DDX60L: variants seen among roughly 807,000 people sequenced by gnomAD.
DDX60L encodes probable ATP-dependent RNA helicase DDX60-like.
Under a neutral mutation model 211.6 loss-of-function variants are expected in DDX60L, and 191 were observed. The ratio of observed to expected loss-of-function variants is 0.90; its 90% CI spans 0.80 to 1.02. DDX60L has a LOEUF of 1.02. Among genes scored for constraint, DDX60L ranks in the 50% least tolerant of loss-of-function variants. DDX60L has a pLI of 0.00. For missense variants in DDX60L, 2,007 were observed against 1,984.1 expected, an observed-to-expected ratio of 1.01 and a Z score of -0.22; for synonymous variants, 706 against 694.1, an observed-to-expected ratio of 1.02 and a Z score of -0.27.
rs964053425 is a variant in DDX60L, at chr4:168,358,254, C to T, written c.5014G>A (p.Glu1672Lys). Reference sequence around the variant, plus strand: ...AGGACTACATTGTCACGCTTATTTTCACATAGTTCACTCAAGGAGTCACTG... The same window carrying T: ...AGGACTACATTGTCACGCTTATTTTTACATAGTTCACTCAAGGAGTCACTG... ...AISDSLSELC[E>K]NKRDNVVLAF... The change falls in exon 38 of 38, where the codon GAA becomes AAA. Residue 1672 changes from glutamate (E) to lysine (K), a missense_variant. Coordinates refer to ENST00000682922, the MANE Select transcript of DDX60L (RefSeq NM_001012967.3). The T allele has an allele frequency of 2.5e-6, 4 of 1,591,982 alleles. No homozygotes were observed. The highest frequency in any genetic ancestry group is 3.4e-6 in the Non-Finnish European group (4 of 1,169,566).
At chr4:168,461,591 G>T (rs1052913188) in intron 5 of DDX60L, 108 bp downstream of exon 5, 20 of 742,668 alleles carry the variant, frequency 2.7e-5, no homozygotes, top group Non-Finnish European at 4.3e-5. Flanking sequence ...CCTCTTTGGA[G>T]ACTGCCTATA....
At chr4:168,420,500 ACACACT>A in intron 17 of DDX60L, 120 bp from the exon 18 acceptor site, 5 of 697,568 alleles carry the variant, frequency 7.2e-6, no homozygotes, top group Non-Finnish European at 1.1e-5. Context: ...ACACACACAC[ACACACT>A]TCAATGAAAA....
intron 4 of DDX60L, among the ~76,000 whole-genome samples, chr4:168,463,237 C>A (rs190437192): frequency 6.6e-6 from 1 of 152,312 alleles, no homozygotes; most frequent in African/African-American, 2.4e-5. Flanking sequence ...CAAACTAAGT[C>A]ATTGATGATA....
intron 22 of DDX60L, among the ~76,000 whole-genome samples, chr4:168,408,863 G>C (rs1014115847): frequency 1.3e-5 from 2 of 152,136 alleles, no homozygotes; most frequent in African/African-American, 4.8e-5. Flanking sequence ...ATTAAAGCCA[G>C]CTCACTCATC....
intron 26 of DDX60L, 25 bp downstream of exon 26, chr4:168,400,801 T>C: frequency 6.3e-7 from 1 of 1,577,652 alleles, no homozygotes; most frequent in South Asian, 1.2e-5. Flanking sequence ...GGGGCCAATT[T>C]GTTTAAGTAA....
chr4:168,419,466 G>T, intron 18 of DDX60L, 69 bp from the exon 19 acceptor site: 1 of 1,141,042 alleles, frequency 8.8e-7, no homozygotes, highest in South Asian at 1.7e-5. Flanking sequence ...ATAGTAATAG[G>T]AACCTAGAAA....
intron 4 of DDX60L, among the ~76,000 whole-genome samples, chr4:168,464,700 T>C (rs1283481345): frequency 6.6e-6 from 1 of 152,112 alleles, no homozygotes; most frequent in East Asian, 1.9e-4. Context: ...TGTGTGTGCG[T>C]GTGTTGGAAA....
intron 27 of DDX60L, among the ~76,000 whole-genome samples, chr4:168,395,343 G>A (rs1826027): frequency 0.24 from 36,833 of 152,092 alleles, 4,674 homozygotes; most frequent in Middle Eastern, 0.39. Flanking sequence ...TATATAATAT[G>A]GCCTTATTTT....
At position 168,379,381 on chromosome 4, in the gene DDX60L, A is replaced by G. The variant is rs1232822267; in HGVS notation, c.4345T>C (p.Cys1449Arg). The change falls in exon 32 of 38, where the codon TGT becomes CGT. Residue 1449 changes from cysteine (C) to arginine (R), a missense_variant. Physicochemically the swap from Cys to Arg is radical, Grantham distance 180 (BLOSUM62 -3). Transcript: ENST00000682922. ...FLKRGLFHNL[C>R]KPAWKGSQQF... ...AGCTTACCTTTCCAGGCTGGCTTACAGAGATTATGGAAAAGGCCTCTCTTG... is the reference window on the plus strand; with the variant it reads ...AGCTTACCTTTCCAGGCTGGCTTACGGAGATTATGGAAAAGGCCTCTCTTG... 3.8e-6 allele frequency: 6 copies of G among 1,588,924 alleles called. No homozygotes were observed. Among genetic ancestry groups the G allele is most frequent in the South Asian group, 2.4e-5 (2 of 84,960 alleles).
Position 168,384,633 on chromosome 4 carries a change from G to A in DDX60L, c.4095C>T (p.Asp1365=). The change falls in exon 30 of 38, where the codon GAC becomes GAT. Residue 1365 remains aspartate, a synonymous_variant. Coordinates refer to ENST00000682922, the MANE Select transcript of DDX60L (RefSeq NM_001012967.3). ...GTACCTTTGCCTTGGCATCCTCTGG[G>A]TCATCTCCCTTGGAAGCCAGCAGCA... ...RLMLLASKGD[D]PEDAKAKVLS... is the part of the protein sequence containing the mutation. 1 of 1,613,976 alleles carries A rather than the reference G, an allele frequency of 6.2e-7. No homozygotes were observed. The highest frequency in any genetic ancestry group is 1.1e-5 in the South Asian group (1 of 91,084).
At chr4:168,442,020 C>T (rs1373861399) in intron 9 of DDX60L, among the ~76,000 whole-genome samples, 1 of 152,106 alleles carries the variant, frequency 6.6e-6, no homozygotes, top group Non-Finnish European at 1.5e-5. Flanking sequence ...CGAATAGGAA[C>T]AGCTCTGGTC....
intron 25 of DDX60L, among the ~76,000 whole-genome samples, chr4:168,403,657 A>G (rs530905430): frequency 6.8e-4 from 103 of 152,346 alleles, no homozygotes; most frequent in African/African-American, 2.5e-3. Context: ...CTGTACATGA[A>G]AAATGCAATT....
intron 34 of DDX60L, among the ~76,000 whole-genome samples, chr4:168,374,967 G>T (rs1039331812): frequency 6.6e-6 from 1 of 152,204 alleles, no homozygotes; most frequent in Non-Finnish European, 1.5e-5. Context: ...TTGGCATTCT[G>T]CTGCCAGTGT....
chr4:168,389,165 T>C (rs1015593156), intron 29 of DDX60L, among the ~76,000 whole-genome samples: 8 of 152,274 alleles, frequency 5.3e-5, no homozygotes, highest in African/African-American at 1.9e-4. Flanking sequence ...AAGGTGAAGC[T>C]AACAAGTATT....
chr4:168,371,709 A>G lies in DDX60L; in HGVS notation c.4831T>C (p.Trp1611Arg). ...CTCCTTCCTCGGTTATCTAATTTCC[A>G]TGGCCACAGCAGAGGAGCCTGAGTG... ...SGTQAPLLWPWKLDNRGRRMP... is the reference protein window; with the variant it reads ...SGTQAPLLWPRKLDNRGRRMP... Residue 1611 changes from tryptophan (W) to arginine (R), a missense_variant, in exon 36 of 38, where the codon TGG (tryptophan) becomes CGG (arginine). By Grantham distance (101) the Trp-to-Arg change is moderately radical (BLOSUM62 -3). Transcript: ENST00000682922. 2 of 1,612,602 alleles carry G rather than the reference A, an allele frequency of 1.2e-6. No homozygotes were observed. Among genetic ancestry groups the G allele is most frequent in the East Asian group, 2.2e-5 (1 of 44,856 alleles).
At chr4:168,390,970 TA>T (rs149353588) in intron 29 of DDX60L, among the ~76,000 whole-genome samples, 2 of 150,842 alleles carry the variant, frequency 1.3e-5, no homozygotes, top group Non-Finnish European at 1.5e-5. Context: ...AAAACCTTTT[TA>T]AAAAAAAAGC....
chr4:168,362,972 A>G (rs1451730322), intron 36 of DDX60L, among the ~76,000 whole-genome samples: 2 of 152,158 alleles, frequency 1.3e-5, no homozygotes, highest in East Asian at 1.9e-4. Flanking sequence ...AAAGTCCCCA[A>G]TTAGTTTCAA....
intron 7 of DDX60L, among the ~76,000 whole-genome samples, chr4:168,454,437 G>A (rs1756230885): frequency 6.6e-6 from 1 of 152,040 alleles, no homozygotes; most frequent in Non-Finnish European, 1.5e-5. Flanking sequence ...AATTGGGATA[G>A]TAACAGTACA....
At position 168,412,091 on chromosome 4, in the gene DDX60L, G is replaced by A. The variant is rs748946930; in HGVS notation, c.2979+3317C>T. Among the ~76,000 whole-genome samples the A allele has an allele frequency of 1.4e-4, 21 of 152,012 alleles. 1 individual carries two copies. The highest frequency in any genetic ancestry group is 8.8e-5 in the Non-Finnish European group (6 of 68,028). On this transcript the variant is annotated intron_variant, in intron 22 of 37. Coordinates refer to ENST00000682922, the MANE Select transcript of DDX60L (RefSeq NM_001012967.3). The stretch of plus-strand genomic sequence containing the variant: ...AATAAGCAGCAGTGGTAGCTAGGTA[G>A]TACGTGGCCGTGTGCCTGGGGTGAT...
Sources: gnomAD v4.1 joint callset for allele counts (sites outside exome capture counted in the v4.1 genomes callset) on GRCh38, gnomAD v4.1.1 for gene constraint, MANE v1.5 for transcripts, NCBI Gene and HGNC (gene_info 2026-07-23, HGNC 2026-07-21) for gene names.